DYRK1A: variants seen among roughly 807,000 people sequenced by gnomAD.
The protein encoded by DYRK1A is dual specificity tyrosine-phosphorylation-regulated kinase 1A.
DYRK1A carries 9 observed loss-of-function variants against 79.7 expected under a neutral mutation model. The observed-to-expected ratio is 0.11, with a 90% CI of 0.07 to 0.20. DYRK1A has a LOEUF of 0.20. Among genes scored for constraint, DYRK1A ranks in the 10% least tolerant of loss-of-function variants. The pLI is 1.00. For synonymous variants in DYRK1A, 349 were observed against 329.7 expected (o/e 1.06, Z -0.63); for missense variants, 622 against 956.0 (o/e 0.65, Z 4.61).
rs10590534 is a variant in DYRK1A, at chr21:37,519,736, G to GTTTTTTTTTTTTTTTTTTTTTTTTT, written c.*7228_*7229insTTTTTTTTTTTTTTTTTTTTTTTTT. 4.7e-5 allele frequency: 4 copies of GTTTTTTTTTTTTTTTTTTTTTTTTT among 85,798 alleles called. No homozygotes were observed. Among genetic ancestry groups the GTTTTTTTTTTTTTTTTTTTTTTTTT allele is most frequent in the African/African-American group, 1.9e-4 (4 of 20,610 alleles). 5.3% of individuals were successfully genotyped at this position (85,798 alleles called of 1,614,324 possible). ...AGAGTTTTGAGGTTTGTTGTGGGAA[G>GTTTTTTTTTTTTTTTTTTTTTTTTT]TTTTTTTTTTTTTTTTTTTTTTTGA... On this transcript the variant is annotated 3_prime_UTR_variant, in exon 12 of 12. Transcript: ENST00000647188.
chr21:37,394,508 T>G (rs1419032825), intron 1 of DYRK1A, among the ~76,000 whole-genome samples: 1 of 152,092 alleles, frequency 6.6e-6, no homozygotes, highest in Non-Finnish European at 1.5e-5. Context: ...CCGGTACTGG[T>G]CTGTGGCCTG....
chr21:37,484,837 T>C (rs536751061), intron 5 of DYRK1A, among the ~76,000 whole-genome samples: 1 of 152,152 alleles, frequency 6.6e-6, no homozygotes, highest in Non-Finnish European at 1.5e-5. Context: ...CTGCTTGACG[T>C]TGAACTCCTT....
chr21:37,494,007 C>A (rs988322776), intron 8 of DYRK1A, among the ~76,000 whole-genome samples: 2 of 132,284 alleles, frequency 1.5e-5, no homozygotes, highest in Non-Finnish European at 3.1e-5. Flanking sequence ...GTGGGGCAAT[C>A]TTGGCTCCCG....
intron 2 of DYRK1A, among the ~76,000 whole-genome samples, chr21:37,435,292 A>T (rs1361074843): frequency 1.3e-5 from 2 of 152,152 alleles, no homozygotes; most frequent in Non-Finnish European, 2.9e-5. Context: ...TTCCAATCAT[A>T]TGGTGTCGGT....
chr21:37,389,076 T>C (rs574351504), intron 1 of DYRK1A, among the ~76,000 whole-genome samples: 46 of 151,916 alleles, frequency 3.0e-4, no homozygotes, highest in African/African-American at 1.1e-3. Context: ...TGGAGTCTTA[T>C]TGTGTTGTCC....
intron 1 of DYRK1A, among the ~76,000 whole-genome samples, chr21:37,368,514 A>G (rs956916429): frequency 1.3e-5 from 2 of 152,150 alleles, no homozygotes; most frequent in South Asian, 2.1e-4. Context: ...GAATCCCATA[A>G]TCTGGGCACA....
In DYRK1A at chr21:37,398,143, TA is replaced by T. The variant is rs1036159351; in HGVS notation, c.-76-22155del. ...ATATTTATATATGTGTATATATATA[TA>T]TTTTTTTACCCTGCAGTGTACACAC... On this transcript the variant is annotated intron_variant, in intron 1 of 11. Coordinates refer to ENST00000647188, the MANE Select transcript of DYRK1A (RefSeq NM_001347721.2). Among the ~76,000 whole-genome samples, 7 of 148,728 alleles carry T rather than the reference TA, an allele frequency of 4.7e-5. No individual in the cohort carries two copies. The East Asian group carries it at 1.2e-3, about 25-fold the overall frequency.
intron 11 of DYRK1A, 111 bp from the exon 12 acceptor site, chr21:37,511,800 G>A (rs895066510): frequency 5.4e-5 from 70 of 1,294,604 alleles, no homozygotes; most frequent in Non-Finnish European, 6.6e-5. Flanking sequence ...TTCAAAAACC[G>A]TTTCCCCCTG....
rs533010549 is a variant in DYRK1A, at chr21:37,450,731, C to G, written c.11-21953C>G. ...GGGATTCAGGGACCACACTCCGCTT[C>G]TTTCACTCATTCGTTTAGTGTTTCC... On this transcript the variant is annotated intron_variant, in intron 2 of 11. Transcript: ENST00000647188. Among the ~76,000 whole-genome samples the G allele has an allele frequency of 3.9e-5, 6 of 152,318 alleles. No individual in the cohort carries two copies. The South Asian group carries it at 1.2e-3, about 32-fold the overall frequency.
chr21:37,400,626 T>G (rs73903952), intron 1 of DYRK1A, among the ~76,000 whole-genome samples: 8,123 of 152,276 alleles, frequency 0.053, 768 homozygotes, highest in African/African-American at 0.18. Context: ...GAGCGACTTT[T>G]CTCTAAATAA....
At chr21:37,479,623 T>TTTTTTTTG (rs2052558287) in intron 4 of DYRK1A, among the ~76,000 whole-genome samples, 1 of 106,592 alleles carries the variant, frequency 9.4e-6, no homozygotes, top group African/African-American at 5.0e-5. Context: ...TTTTTTGTTT[T>TTTTTTTTG]TTTTTTTTTT....
rs16995103 is a variant in DYRK1A, at chr21:37,433,826, A to G, written c.10+13442A>G. ...TGACTAAAATATTGATTATTCATGG[A>G]TTCTGCGAGAGCTTTGCTTTTTATC... On this transcript the variant is annotated intron_variant, in intron 2 of 11. Transcript: ENST00000647188. Among the ~76,000 whole-genome samples the G allele has an allele frequency of 9.1e-3, 1,384 of 152,288 alleles. 19 individuals are homozygous for G. The highest frequency in any genetic ancestry group is 0.032 in the African/African-American group (1,328 of 41,576).
In DYRK1A at chr21:37,516,802, G is replaced by A. The variant is rs1427245218; in HGVS notation, c.*4271G>A. 6.6e-6 allele frequency: 1 copy of A among 152,140 alleles called. No individual in the cohort carries two copies. The highest frequency in any genetic ancestry group is 1.5e-5 in the Non-Finnish European group (1 of 68,028). The allele number at this position is 152,140 out of a possible 1,614,324, so 9.4% of individuals were successfully genotyped here. ...AAAAAAATAACACTACCTTAACACT[G>A]AGACTGTCAGGTATTTGTCAGTATT... On this transcript the variant is annotated 3_prime_UTR_variant, in exon 12 of 12. Transcript: ENST00000647188.
chr21:37,373,877 A>G (rs2049483497), intron 1 of DYRK1A, among the ~76,000 whole-genome samples: 2 of 152,302 alleles, frequency 1.3e-5, no homozygotes, highest in South Asian at 2.1e-4. Flanking sequence ...ACACTTCAAA[A>G]TGTTTTGGGA....
intron 9 of DYRK1A, among the ~76,000 whole-genome samples, chr21:37,499,989 G>T (rs941434297): frequency 1.1e-4 from 17 of 152,168 alleles, no homozygotes; most frequent in Admixed American, 9.8e-4. Context: ...TGTGGGTTCC[G>T]CATGGCCTCC....
chr21:37,504,408 C>T (rs2053537266), intron 9 of DYRK1A: 1 of 152,246 alleles, frequency 6.6e-6, no homozygotes, highest in African/African-American at 2.4e-5. Flanking sequence ...CTGCAGGTCT[C>T]TTCCAGGAGA....
rs192865889 is a variant in DYRK1A at position 37,401,672 on chromosome 21, A to G, written c.-76-18627A>G. ...TAATTTTTGTATTATTAGTAGAGAC[A>G]GGGTTTCACCATGTTGGCCAGGCTG... is the stretch of plus-strand genomic sequence containing the variant. On this transcript the variant is annotated intron_variant, in intron 1 of 11. Transcript: ENST00000647188. Among the ~76,000 whole-genome samples the G allele has an allele frequency of 2.0e-5, 3 of 151,984 alleles. No homozygotes were observed. The East Asian group carries it at 5.8e-4, about 29-fold the overall frequency.
chr21:37,511,896 A>T lies in DYRK1A; in HGVS notation c.1645-15A>T. 6.2e-7 allele frequency: 1 copy of T among 1,604,144 alleles called. No homozygotes were observed. Among genetic ancestry groups the T allele is most frequent in the Non-Finnish European group, 8.5e-7 (1 of 1,173,150 alleles). ...CAGTCCTCTGAAAAATCCTTTTAAA[A>T]ATCTGTTCTTTCAGGTGCGTCAGCA... On this transcript the variant is annotated splice_polypyrimidine_tract_variant and intron_variant, in intron 11 of 11. Coordinates refer to ENST00000647188, the MANE Select transcript of DYRK1A (RefSeq NM_001347721.2).
At chr21:37,370,627 TA>T (rs1007999034) in intron 1 of DYRK1A, among the ~76,000 whole-genome samples, 4 of 152,174 alleles carry the variant, frequency 2.6e-5, no homozygotes, top group Non-Finnish European at 5.9e-5. Context: ...AAAACTTATC[TA>T]AACCCAGCAA....
Sources: allele counts gnomAD v4.1 joint callset (sites outside exome capture counted in the v4.1 genomes callset), GRCh38; gene constraint gnomAD v4.1.1; transcripts MANE v1.5; gene names NCBI Gene and HGNC (gene_info 2026-07-23, HGNC 2026-07-21).